GABRA2: variants seen among roughly 807,000 people sequenced by gnomAD.
GABRA2 encodes the protein gamma-aminobutyric acid receptor subunit alpha-2.
Under a neutral mutation model 48.7 loss-of-function variants are expected in GABRA2, and 16 were observed. The ratio of observed to expected loss-of-function variants is 0.33; its 90% CI spans 0.22 to 0.50. The LOEUF is 0.50. Among genes scored for constraint, GABRA2 ranks in the 20% least tolerant of loss-of-function variants. GABRA2 has a pLI of 0.98. For synonymous variants in GABRA2, 185 were observed against 184.5 expected, an observed-to-expected ratio of 1.00 and a Z score of -0.02; for missense variants, 275 against 535.6, an observed-to-expected ratio of 0.51 and a Z score of 4.80.
chr4:46,331,804 TCA>T (rs1731405619), intron 4 of GABRA2, among the ~76,000 whole-genome samples: 1 of 152,136 alleles, frequency 6.6e-6, no homozygotes, highest in African/African-American at 2.4e-5. Flanking sequence ...GGATCACAGC[TCA>T]CTGCAACTTC....
intron 8 of GABRA2, among the ~76,000 whole-genome samples, chr4:46,271,643 T>A (rs1489890543): frequency 6.6e-6 from 1 of 151,954 alleles, no homozygotes; most frequent in Admixed American, 6.6e-5. Flanking sequence ...ATCTTTAATA[T>A]TGGTGAGAAT....
chr4:46,310,065 A>G, intron 6 of GABRA2, 108 bp downstream of exon 6: 1 of 719,580 alleles, frequency 1.4e-6, no homozygotes, highest in Non-Finnish European at 2.4e-6. Context: ...CTTATTGACA[A>G]TTGTCAATCA....
At chr4:46,362,239 T>G (rs1204117065) in intron 3 of GABRA2, among the ~76,000 whole-genome samples, 1 of 152,188 alleles carries the variant, frequency 6.6e-6, no homozygotes, top group Admixed American at 6.5e-5. Flanking sequence ...TTTCCCATGC[T>G]GTTCTCATAA....
In GABRA2 at chr4:46,378,051, C is replaced by G. The variant is rs531509090; in HGVS notation, c.187+8023G>C. ...AGGGAGGTGGGGGGTTCAGCCCCCC[C>G]ACCCGGCCAGCCGCCCCATCAGGGA... On this transcript the variant is annotated intron_variant, in intron 3 of 9. Transcript: ENST00000381620. Among the ~76,000 whole-genome samples, 45 of 144,864 alleles carry G rather than the reference C, an allele frequency of 3.1e-4. 1 individual carries two copies. The East Asian group carries it at 5.6e-3, about 18-fold the overall frequency.
chr4:46,308,989 G>A (rs1373911064), intron 6 of GABRA2, among the ~76,000 whole-genome samples: 1 of 151,890 alleles, frequency 6.6e-6, no homozygotes, highest in Admixed American at 6.6e-5. Flanking sequence ...GTCCTTCTCT[G>A]CTGCATCTGC....
At chr4:46,294,995 A>G (rs1414267846) in intron 8 of GABRA2, among the ~76,000 whole-genome samples, 1 of 152,166 alleles carries the variant, frequency 6.6e-6, no homozygotes, top group Non-Finnish European at 1.5e-5. Flanking sequence ...TCAAATGCCT[A>G]TGGTCTCCAC....
At chr4:46,335,979 AC>A (rs964736225) in intron 3 of GABRA2, among the ~76,000 whole-genome samples, 3 of 151,782 alleles carry the variant, frequency 2.0e-5, no homozygotes, top group Non-Finnish European at 2.9e-5. Context: ...TTTTTATGGG[AC>A]CTTTCAACTT....
intron 3 of GABRA2, among the ~76,000 whole-genome samples, chr4:46,338,127 G>C (rs932290238): frequency 6.6e-6 from 1 of 151,784 alleles, no homozygotes. Flanking sequence ...ATTTTCTCAA[G>C]AGAGTGGTAA....
intron 3 of GABRA2, among the ~76,000 whole-genome samples, chr4:46,337,876 T>C (rs1362900844): frequency 6.6e-6 from 1 of 151,790 alleles, no homozygotes; most frequent in Non-Finnish European, 1.5e-5. Flanking sequence ...AAGTGGAAAA[T>C]ATTCTTTTTA....
At chr4:46,368,975 T>C in intron 3 of GABRA2, 3 of 701,108 alleles carry the variant, frequency 4.3e-6, no homozygotes, top group South Asian at 3.0e-5. Flanking sequence ...TTGAAGGCTA[T>C]GTTACACAGA....
intron 8 of GABRA2, among the ~76,000 whole-genome samples, chr4:46,265,434 AT>A (rs1717963842): frequency 7.0e-6 from 1 of 143,226 alleles, no homozygotes; most frequent in Non-Finnish European, 1.5e-5. Context: ...GTGTATATAT[AT>A]ATAATATATT....
At chr4:46,386,320 T>C (rs1032071480) in intron 2 of GABRA2, 131 bp from the exon 3 acceptor site, 4 of 590,672 alleles carry the variant, frequency 6.8e-6, no homozygotes, top group African/African-American at 4.0e-5. Flanking sequence ...CTCCTTTTTT[T>C]TTAACTTCTA....
At chr4:46,272,088 C>T (rs1719445318) in intron 8 of GABRA2, among the ~76,000 whole-genome samples, 1 of 151,920 alleles carries the variant, frequency 6.6e-6, no homozygotes, top group African/African-American at 2.4e-5. Context: ...GATTCCTGCA[C>T]CCTAGGGTGC....
At chr4:46,277,448 C>G (rs991999253) in intron 8 of GABRA2, among the ~76,000 whole-genome samples, 1 of 152,154 alleles carries the variant, frequency 6.6e-6, no homozygotes, top group Admixed American at 6.5e-5. Flanking sequence ...CTGCCCTGTA[C>G]AGGTTATGTA....
intron 8 of GABRA2, among the ~76,000 whole-genome samples, chr4:46,283,455 G>A (rs1721921911): frequency 6.6e-6 from 1 of 152,100 alleles, no homozygotes; most frequent in Non-Finnish European, 1.5e-5. Context: ...CCAACTACTT[G>A]TGGACTTATT....
At chr4:46,336,769 C>A (rs1732305128) in intron 3 of GABRA2, among the ~76,000 whole-genome samples, 1 of 152,040 alleles carries the variant, frequency 6.6e-6, no homozygotes, top group Non-Finnish European at 1.5e-5. Flanking sequence ...ATATTTCATT[C>A]TTTTAAAATT....
intron 3 of GABRA2, 108 bp downstream of exon 3, chr4:46,385,966 T>C (rs1189685580): frequency 3.1e-6 from 2 of 653,118 alleles, no homozygotes; most frequent in Non-Finnish European, 5.3e-6. Flanking sequence ...TATAATTTTA[T>C]ATACACAGTG....
At chr4:46,357,526 T>C (rs568810576) in intron 3 of GABRA2, among the ~76,000 whole-genome samples, 1 of 151,284 alleles carries the variant, frequency 6.6e-6, no homozygotes, top group Admixed American at 6.6e-5. Context: ...AGTCCCTCAG[T>C]TTCCTCAATC....
intron 7 of GABRA2, among the ~76,000 whole-genome samples, chr4:46,304,923 C>CAAAAA (rs34292975): frequency 6.2e-4 from 50 of 80,154 alleles, no homozygotes; most frequent in Non-Finnish European, 7.7e-4. Context: ...GACTCTGTCT[C>CAAAAA]AAAAAAAAAA....
Sources: gnomAD v4.1 joint callset for allele counts (sites outside exome capture counted in the v4.1 genomes callset) on GRCh38, gnomAD v4.1.1 for gene constraint, MANE v1.5 for transcripts, NCBI Gene and HGNC (gene_info 2026-07-23, HGNC 2026-07-21) for gene names.